The following TBC1D22A variants were observed in gnomAD, a reference collection of about 807,000 sequenced individuals.
TBC1D22A encodes the protein TBC1 domain family member 22A, also known as putative GTPase activator.
TBC1D22A carries 38 observed loss-of-function variants against 60.2 expected under a neutral mutation model. That is an observed-to-expected ratio of 0.63 (90% CI 0.49 to 0.83). The LOEUF (loss-of-function observed/expected upper bound fraction) is 0.83, where lower values mean the gene tolerates loss of function less well. Ranked by LOEUF, TBC1D22A falls within the 40% of genes least tolerant of loss-of-function variation. The probability of loss-of-function intolerance (pLI) is 0.00; values close to 1 mark genes in which losing one functional copy is unlikely to be tolerated. For synonymous variants in TBC1D22A, 302 were observed against 281.7 expected (o/e 1.07, Z -0.72); for missense variants, 628 against 701.0 (o/e 0.90, Z 1.18).
chr22:47,022,433 T>C (rs2062122551), intron 10 of TBC1D22A, among the ~76,000 whole-genome samples: 1 of 151,834 alleles, frequency 6.6e-6, no homozygotes, highest in African/African-American at 2.4e-5. Flanking sequence ...TCTCCCTGAG[T>C]TTAGACAGAA....
intron 1 of TBC1D22A, among the ~76,000 whole-genome samples, chr22:46,788,224 C>G (rs2337122): frequency 0.5 from 75,682 of 151,976 alleles, 19,318 homozygotes; most frequent in Middle Eastern, 0.66. Context: ...GCGTGAGCCA[C>G]CACGCCCGGC....
Position 46,892,105 on chromosome 22 carries a change from T to C in TBC1D22A, c.837+711T>C, listed in dbSNP as rs144100534. Among the ~76,000 whole-genome samples, 677 of 152,328 alleles carry C rather than the reference T, an allele frequency of 4.4e-3. 8 individuals are homozygous for C. The highest frequency in any genetic ancestry group is 0.016 in the African/African-American group (648 of 41,576). On this transcript the variant is annotated intron_variant, in intron 6 of 12. Transcript: ENST00000337137. Reference sequence around the variant, plus strand: ...TATAATTCTCACTGTCTTTGTAATATGTGAAAGGTCAAAATGGTGGTTCTT... The same window carrying C: ...TATAATTCTCACTGTCTTTGTAATACGTGAAAGGTCAAAATGGTGGTTCTT...
chr22:46,972,983 T>G (rs2074133708), intron 8 of TBC1D22A, among the ~76,000 whole-genome samples: 1 of 152,198 alleles, frequency 6.6e-6, no homozygotes, highest in South Asian at 2.1e-4. Flanking sequence ...GCCCAGCTGC[T>G]CACTCCTGCT....
intron 4 of TBC1D22A, among the ~76,000 whole-genome samples, chr22:46,824,666 G>C (rs1440206418): frequency 3.3e-5 from 5 of 152,180 alleles, no homozygotes; most frequent in African/African-American, 1.2e-4. Flanking sequence ...CCAGTTAGGA[G>C]GGTGGTGGCT....
rs370928331 is a variant in TBC1D22A, at chr22:46,992,191, A to G, written c.1126-5443A>G. On this transcript the variant is annotated intron_variant, in intron 9 of 12. Coordinates refer to ENST00000337137, the MANE Select transcript of TBC1D22A (RefSeq NM_014346.5). ...GATTCTTCACAGTGCAAGGATGCAGAGGAGACTCCATCAAGGGGTAAAGTC... is the reference window on the plus strand; with the variant it reads ...GATTCTTCACAGTGCAAGGATGCAGGGGAGACTCCATCAAGGGGTAAAGTC... Among the ~76,000 whole-genome samples the G allele has an allele frequency of 1.2e-3, 186 of 152,370 alleles. 1 individual carries two copies. The Middle Eastern group carries it at 0.014, about 11-fold the overall frequency.
intron 8 of TBC1D22A, chr22:46,913,437 A>T: frequency 1.5e-6 from 2 of 1,364,538 alleles, no homozygotes; most frequent in Non-Finnish European, 2.0e-6. Flanking sequence ...GAAGATGAGG[A>T]CATATCCAAG....
At chr22:47,123,708 G>A (rs738662) in intron 12 of TBC1D22A, among the ~76,000 whole-genome samples, 55,717 of 152,148 alleles carry the variant, frequency 0.37, 10,789 homozygotes, top group East Asian at 0.59. Flanking sequence ...TGCCAAAGTA[G>A]AGATCGTTGT....
intron 7 of TBC1D22A, among the ~76,000 whole-genome samples, chr22:46,902,470 A>G (rs1469285308): frequency 6.6e-6 from 1 of 152,214 alleles, no homozygotes. Context: ...TCTTGTTTGA[A>G]CCATTTCAGA....
intron 11 of TBC1D22A, among the ~76,000 whole-genome samples, chr22:47,082,172 A>AG (rs1318117799): frequency 6.6e-6 from 1 of 152,194 alleles, no homozygotes; most frequent in East Asian, 1.9e-4. Flanking sequence ...ATAAAAAAAA[A>AG]ATTAACTGTC....
chr22:47,155,227 T>G, intron 12 of TBC1D22A, among the ~76,000 whole-genome samples: 1 of 147,114 alleles, frequency 6.8e-6, no homozygotes. Context: ...AAAAAAAAAA[T>G]GAAATGAATT....
chr22:47,137,563 A>G (rs991330239), intron 12 of TBC1D22A, among the ~76,000 whole-genome samples: 1 of 152,056 alleles, frequency 6.6e-6, no homozygotes, highest in African/African-American at 2.4e-5. Context: ...AAAGCCCCAC[A>G]TTCTGTGCCC....
intron 4 of TBC1D22A, among the ~76,000 whole-genome samples, chr22:46,841,071 TGTGA>T (rs1250002196): frequency 1.3e-5 from 2 of 150,760 alleles, no homozygotes; most frequent in African/African-American, 4.9e-5. Flanking sequence ...TGTGTGTGTG[TGTGA>T]GAGAGAGAGA....
chr22:47,079,802 A>G (rs2064385097), intron 11 of TBC1D22A, among the ~76,000 whole-genome samples: 1 of 152,250 alleles, frequency 6.6e-6, no homozygotes, highest in Non-Finnish European at 1.5e-5. Flanking sequence ...TATGTTAGAT[A>G]TAAATGGATT....
At chr22:47,146,855 C>T (rs2067303291) in intron 12 of TBC1D22A, among the ~76,000 whole-genome samples, 1 of 152,232 alleles carries the variant, frequency 6.6e-6, no homozygotes. Flanking sequence ...TGACACAGGT[C>T]AAGAGGCTAG....
chr22:46,863,960 C>T (rs1471160482), intron 4 of TBC1D22A, among the ~76,000 whole-genome samples: 2 of 152,180 alleles, frequency 1.3e-5, no homozygotes, highest in African/African-American at 4.8e-5. Flanking sequence ...ACAGAGGCCT[C>T]TCGAGTTGTC....
At chr22:47,094,113 C>A (rs970106096) in intron 11 of TBC1D22A, among the ~76,000 whole-genome samples, 1 of 152,146 alleles carries the variant, frequency 6.6e-6, no homozygotes, top group Non-Finnish European at 1.5e-5. Context: ...AGTTTCAGTT[C>A]TTTGATACTT....
At chr22:46,900,157 T>C (rs1286946968) in intron 7 of TBC1D22A, among the ~76,000 whole-genome samples, 3 of 151,686 alleles carry the variant, frequency 2.0e-5, no homozygotes, top group African/African-American at 7.3e-5. Flanking sequence ...TGGTTTTTTT[T>C]TTTTTTTTTG....
Position 46,777,970 on chromosome 22 carries a change from T to C in TBC1D22A, c.63-14550T>C, listed in dbSNP as rs957556708. Among the ~76,000 whole-genome samples the C allele has an allele frequency of 8.5e-5, 13 of 152,252 alleles. No individual in the cohort carries two copies. The highest frequency in any genetic ancestry group is 2.7e-4 in the African/African-American group (11 of 41,470). Reference sequence around the variant, plus strand: ...CTGTTGCTCTGAGGCTATGTGCCTGTACAGCATGGTACTGTTCTGAATACT... The same window carrying C: ...CTGTTGCTCTGAGGCTATGTGCCTGCACAGCATGGTACTGTTCTGAATACT... On this transcript the variant is annotated intron_variant, in intron 1 of 12. Coordinates refer to ENST00000337137, the MANE Select transcript of TBC1D22A (RefSeq NM_014346.5). The surrounding 1 kb of genome is among the most constrained non-coding windows in gnomAD (Gnocchi z 4.5).
chr22:47,118,047 T>C (rs982217900), intron 12 of TBC1D22A, among the ~76,000 whole-genome samples: 1 of 152,030 alleles, frequency 6.6e-6, no homozygotes, highest in Non-Finnish European at 1.5e-5. Context: ...CACTTGAACC[T>C]GGGAGGCTGA....
Sources: gnomAD v4.1 joint callset for allele counts (sites outside exome capture counted in the v4.1 genomes callset) on GRCh38, gnomAD v4.1.1 for gene constraint, Gnocchi (gnomAD v3.1) non-coding constraint, MANE v1.5 for transcripts, NCBI Gene and HGNC (gene_info 2026-07-23, HGNC 2026-07-21) for gene names.